The following KCNAB1 variants were observed in gnomAD, a reference collection of about 807,000 sequenced individuals.
KCNAB1 encodes voltage-gated potassium channel subunit beta-1.
Under a neutral mutation model 64.6 loss-of-function variants are expected in KCNAB1, and 35 were observed. The observed-to-expected ratio is 0.54, with a 90% CI of 0.41 to 0.72. KCNAB1 has a LOEUF of 0.72. KCNAB1 is among the 30% of genes least tolerant of loss of function. The pLI is 0.00. For missense variants in KCNAB1, 401 were observed against 512.9 expected (o/e 0.78, Z 2.11); for synonymous variants, 177 against 183.8 (o/e 0.96, Z 0.30).
intron 1 of KCNAB1, among the ~76,000 whole-genome samples, chr3:156,393,299 G>C (rs1483616980): frequency 6.6e-6 from 1 of 152,136 alleles, no homozygotes; most frequent in Non-Finnish European, 1.5e-5. Context: ...GATCTCCTTG[G>C]AGTTTTTACC....
intron 8 of KCNAB1, among the ~76,000 whole-genome samples, chr3:156,475,524 T>C (rs764969634): frequency 9.8e-5 from 15 of 152,320 alleles, no homozygotes; most frequent in Middle Eastern, 3.4e-3. Flanking sequence ...TAACTGAAGT[T>C]TAAAATCATA....
At chr3:156,138,498 A>G (rs902953172) in intron 1 of KCNAB1, among the ~76,000 whole-genome samples, 51 of 152,208 alleles carry the variant, frequency 3.4e-4, no homozygotes, top group African/African-American at 1.2e-3. Flanking sequence ...GACATGTCCA[A>G]GATATACAGT....
chr3:156,355,312 G>C (rs748817289), intron 1 of KCNAB1, among the ~76,000 whole-genome samples: 1 of 152,156 alleles, frequency 6.6e-6, no homozygotes, highest in African/African-American at 2.4e-5. Context: ...TGACGTTGAC[G>C]TGAGACCCAC....
At chr3:156,351,422 AC>A (rs1348711040) in intron 1 of KCNAB1, among the ~76,000 whole-genome samples, 1 of 152,240 alleles carries the variant, frequency 6.6e-6, no homozygotes, top group Admixed American at 6.5e-5. Flanking sequence ...GCTGGGCTCC[AC>A]CCAGTCTTTC....
intron 1 of KCNAB1, among the ~76,000 whole-genome samples, chr3:156,369,652 A>G (rs1303349345): frequency 2.6e-5 from 4 of 152,204 alleles, no homozygotes; most frequent in Admixed American, 2.6e-4. Flanking sequence ...AAGTCTCCTG[A>G]ATTTAGGGGA....
chr3:156,395,870 G>A (rs1186158933), intron 1 of KCNAB1, among the ~76,000 whole-genome samples: 1 of 152,158 alleles, frequency 6.6e-6, no homozygotes, highest in African/African-American at 2.4e-5. Flanking sequence ...CCAGTGCACG[G>A]GAAAAGCAGC....
intron 1 of KCNAB1, among the ~76,000 whole-genome samples, chr3:156,299,633 G>A (rs1045979135): frequency 2.0e-5 from 3 of 152,108 alleles, no homozygotes; most frequent in African/African-American, 7.2e-5. Context: ...CCTGAAAGTC[G>A]AAATCAAACA....
At chr3:156,394,444 A>G (rs190592058) in intron 1 of KCNAB1, among the ~76,000 whole-genome samples, 2 of 152,204 alleles carry the variant, frequency 1.3e-5, no homozygotes, top group Admixed American at 1.3e-4. Flanking sequence ...CCTGACAGCT[A>G]TCACACAATG....
At chr3:156,200,814 G>T (rs533250405) in intron 1 of KCNAB1, among the ~76,000 whole-genome samples, 1 of 152,234 alleles carries the variant, frequency 6.6e-6, no homozygotes, top group Non-Finnish European at 1.5e-5. Flanking sequence ...TTCCAGCGGA[G>T]TGAATGGTTC....
At position 156,537,080 on chromosome 3, in the gene KCNAB1, C is replaced by CAGAT. The variant is rs1719105002; in HGVS notation, c.*335_*338dup. 4.9e-6 allele frequency: 2 copies of CAGAT among 408,286 alleles called. No homozygotes were observed. Among genetic ancestry groups the CAGAT allele is most frequent in the Non-Finnish European group, 8.6e-6 (2 of 232,152 alleles). The allele number at this position is 408,286 out of a possible 1,614,324, so 25.3% of individuals were successfully genotyped here. A position where few individuals can be genotyped will look rare whatever the true frequency, so the allele number is the denominator to read the frequency against. Reference sequence around the variant, plus strand: ...ATTTGGTAACTCAAAGAAGGCTGTACAGATATATTTTTTCAAAAGAACAAA... The same window carrying CAGAT: ...ATTTGGTAACTCAAAGAAGGCTGTACAGATAGATATATTTTTTCAAAAGAACAAA... On this transcript the variant is annotated 3_prime_UTR_variant, in exon 14 of 14. Transcript: ENST00000490337.
In KCNAB1 at chr3:156,281,176, G is replaced by T. The variant is rs1355718324; in HGVS notation, c.276-140440G>T. On this transcript the variant is annotated intron_variant, in intron 1 of 13. Coordinates refer to ENST00000490337, the MANE Select transcript of KCNAB1 (RefSeq NM_172160.3). ...TTTATTGAGAGTTTTTAGCATGAAG[G>T]GTTGTTGAATTTTGTCAAAGGCTTT... 7.8e-3 allele frequency among the ~76,000 whole-genome samples: 1,135 copies of T among 145,826 alleles called. 12 individuals carry two copies. The highest frequency in any genetic ancestry group is 0.027 in the African/African-American group (1,080 of 39,520).
chr3:156,491,546 T>C (rs1715627017), intron 8 of KCNAB1, among the ~76,000 whole-genome samples: 1 of 152,122 alleles, frequency 6.6e-6, no homozygotes, highest in South Asian at 2.1e-4. Context: ...AAATACTTAG[T>C]CATAAAAATG....
chr3:156,164,826 T>C (rs1175801931), intron 1 of KCNAB1, among the ~76,000 whole-genome samples: 2 of 152,212 alleles, frequency 1.3e-5, no homozygotes, highest in African/African-American at 4.8e-5. Flanking sequence ...CTTTTTGTAG[T>C]TAGCCCAGCA....
chr3:156,337,144 C>A (rs1166958888), intron 1 of KCNAB1, among the ~76,000 whole-genome samples: 1 of 152,132 alleles, frequency 6.6e-6, no homozygotes, highest in Non-Finnish European at 1.5e-5. Flanking sequence ...CTATTTCTAC[C>A]TGAAAGACCA....
intron 1 of KCNAB1, among the ~76,000 whole-genome samples, chr3:156,180,794 C>G (rs1712754922): frequency 6.6e-6 from 1 of 152,118 alleles, no homozygotes; most frequent in African/African-American, 2.4e-5. Context: ...TCATGCAGGT[C>G]TCAGGGAGGG....
intron 1 of KCNAB1, among the ~76,000 whole-genome samples, chr3:156,319,801 T>G (rs1246955437): frequency 6.6e-6 from 1 of 152,212 alleles, no homozygotes; most frequent in Non-Finnish European, 1.5e-5. Context: ...CTCTCTCCTT[T>G]AAAATTGTTC....
chr3:156,145,340 C>T (rs968933300), intron 1 of KCNAB1, among the ~76,000 whole-genome samples: 2 of 152,176 alleles, frequency 1.3e-5, no homozygotes, highest in African/African-American at 4.8e-5. Context: ...ATTACCCACT[C>T]CCCAATGTCC....
At chr3:156,257,340 T>C (rs531300808) in intron 1 of KCNAB1, among the ~76,000 whole-genome samples, 9 of 152,286 alleles carry the variant, frequency 5.9e-5, no homozygotes, top group Admixed American at 5.2e-4. Context: ...GCAACTTCCT[T>C]TATCAATTCT....
chr3:156,214,171 G>A (rs1715175255), intron 1 of KCNAB1, among the ~76,000 whole-genome samples: 1 of 152,130 alleles, frequency 6.6e-6, no homozygotes, highest in Non-Finnish European at 1.5e-5. Flanking sequence ...TAATAAACTG[G>A]TAAAGTAAGT....
Sources: allele counts gnomAD v4.1 joint callset (sites outside exome capture counted in the v4.1 genomes callset), GRCh38; gene constraint gnomAD v4.1.1; transcripts MANE v1.5; gene names NCBI Gene and HGNC (gene_info 2026-07-23, HGNC 2026-07-21).